The following ASTN2 variants were observed in gnomAD, a reference collection of about 807,000 sequenced individuals.
ASTN2 encodes the protein astrotactin 2.
In ASTN2, 54 loss-of-function variants were observed where a neutral mutation model predicts 139.8. That is an observed-to-expected ratio of 0.39 (90% CI 0.31 to 0.48). The LOEUF is 0.48. Among genes scored for constraint, ASTN2 ranks in the 20% least tolerant of loss-of-function variants. The pLI, the probability that ASTN2 is intolerant of heterozygous loss-of-function variation, is 0.95. For synonymous variants in ASTN2, 756 were observed against 719.5 expected (o/e 1.05, Z -0.81); for missense variants, 1,565 against 1,725.1 (o/e 0.91, Z 1.64).
chr9:116,619,688 ATTTTTTTTTT>A (rs766517097), intron 18 of ASTN2, among the ~76,000 whole-genome samples: 1 of 74,316 alleles, frequency 1.3e-5, no homozygotes, highest in Non-Finnish European at 2.5e-5. Flanking sequence ...CACACGGGCT[ATTTTTTTTTT>A]TTTTTTTTTT....
intron 19 of ASTN2, among the ~76,000 whole-genome samples, chr9:116,551,804 G>A (rs1019960544): frequency 6.6e-6 from 1 of 152,130 alleles, no homozygotes; most frequent in African/African-American, 2.4e-5. Flanking sequence ...GGCTAGAAAA[G>A]ACAGTATGAG....
At chr9:116,993,443 C>G (rs1836916312) in intron 7 of ASTN2, among the ~76,000 whole-genome samples, 2 of 151,530 alleles carry the variant, frequency 1.3e-5, no homozygotes, top group South Asian at 4.2e-4. Flanking sequence ...GTACAGCCCC[C>G]TCTTTCTACA....
At chr9:116,861,973 C>CTTTTTTTTT (rs56282333) in intron 11 of ASTN2, among the ~76,000 whole-genome samples, 5 of 133,644 alleles carry the variant, frequency 3.7e-5, no homozygotes, top group East Asian at 2.2e-4. Flanking sequence ...TTTCCTTCTT[C>CTTTTTTTTT]TTTTTTTTTT....
intron 12 of ASTN2, among the ~76,000 whole-genome samples, chr9:116,809,434 G>C (rs1442535122): frequency 6.6e-6 from 1 of 151,848 alleles, no homozygotes; most frequent in East Asian, 1.9e-4. Context: ...TTAATTATCT[G>C]TATATTCCTG....
chr9:116,544,638 G>A (rs1045439463), intron 19 of ASTN2, among the ~76,000 whole-genome samples: 5 of 152,052 alleles, frequency 3.3e-5, no homozygotes, highest in Non-Finnish European at 7.4e-5. Flanking sequence ...GGTTCTTTGG[G>A]GGCATCAGAA....
chr9:116,737,739 A>G (rs1468764596), intron 13 of ASTN2, among the ~76,000 whole-genome samples: 1 of 151,926 alleles, frequency 6.6e-6, no homozygotes, highest in African/African-American at 2.4e-5. Context: ...CCTATACTCA[A>G]GGTAGTGTGT....
chr9:117,259,654 A>G (rs576087134), intron 2 of ASTN2, among the ~76,000 whole-genome samples: 3 of 152,280 alleles, frequency 2.0e-5, no homozygotes, highest in African/African-American at 7.2e-5. Flanking sequence ...AAATCTACCT[A>G]TGGCCTAGAA....
chr9:117,364,840 T>C (rs933803535), intron 1 of ASTN2, among the ~76,000 whole-genome samples: 1 of 151,904 alleles, frequency 6.6e-6, no homozygotes, highest in African/African-American at 2.4e-5. Context: ...GAGCCAGGCA[T>C]GGTGGCTCAT....
At chr9:116,508,256 G>A (rs771802567) in intron 19 of ASTN2, among the ~76,000 whole-genome samples, 2 of 152,218 alleles carry the variant, frequency 1.3e-5, no homozygotes, top group Admixed American at 6.5e-5. Flanking sequence ...AGGGTCTTCA[G>A]AAAGCTGTCT....
At chr9:116,893,478 C>A (rs746342387) in intron 10 of ASTN2, among the ~76,000 whole-genome samples, 1 of 152,042 alleles carries the variant, frequency 6.6e-6, no homozygotes, top group Non-Finnish European at 1.5e-5. Flanking sequence ...CTGGCTATAC[C>A]CTCTTACTAG....
intron 6 of ASTN2, among the ~76,000 whole-genome samples, chr9:117,031,763 A>G (rs1838254003): frequency 6.6e-6 from 1 of 152,112 alleles, no homozygotes; most frequent in Non-Finnish European, 1.5e-5. Context: ...GAGGCAACAG[A>G]GAAATTTAAG....
intron 2 of ASTN2, among the ~76,000 whole-genome samples, chr9:117,254,480 G>A (rs1395071144): frequency 1.3e-5 from 2 of 152,136 alleles, no homozygotes; most frequent in African/African-American, 4.8e-5. Flanking sequence ...CCTCTGAAGG[G>A]TGAGACCCAG....
At chr9:116,490,271 G>GAAAAAAAAAA (rs1564314339) in intron 19 of ASTN2, among the ~76,000 whole-genome samples, 1 of 2,316 alleles carries the variant, frequency 4.3e-4, no homozygotes, top group African/African-American at 1.4e-3. Flanking sequence ...GTGATAAAAA[G>GAAAAAAAAAA]TAAAAAAAAA....
intron 11 of ASTN2, among the ~76,000 whole-genome samples, chr9:116,850,135 G>T (rs1832555775): frequency 6.6e-6 from 1 of 152,166 alleles, no homozygotes; most frequent in Middle Eastern, 3.2e-3. Flanking sequence ...TGGGAATCCA[G>T]GATCAACTGC....
At chr9:117,094,530 A>G (rs887822060) in intron 5 of ASTN2, among the ~76,000 whole-genome samples, 2 of 152,136 alleles carry the variant, frequency 1.3e-5, no homozygotes, top group South Asian at 2.1e-4. Flanking sequence ...TAAATCTCCA[A>G]TGCAGGTTCC....
chr9:116,593,785 T>C (rs147810628), intron 19 of ASTN2, among the ~76,000 whole-genome samples: 187 of 152,312 alleles, frequency 1.2e-3, no homozygotes, highest in African/African-American at 4.1e-3. Context: ...TCCATCTTCA[T>C]GATTTTCTTG....
rs559859171 is a variant in ASTN2, at chr9:116,886,768, G to A, written c.1890-23035C>T. On this transcript the variant is annotated intron_variant, in intron 10 of 22. Transcript: ENST00000313400. ...TTATTGAGCATCTATTACATGATAG[G>A]TACTGCTCTAGGTGCAGCAAAGGCA... is the stretch of plus-strand genomic sequence containing the variant. Among the ~76,000 whole-genome samples, 9 of 152,236 alleles carry A rather than the reference G, an allele frequency of 5.9e-5. No homozygotes were observed. The East Asian group carries it at 1.2e-3, about 20-fold the overall frequency.
At chr9:116,571,882 G>T (rs916971223) in intron 19 of ASTN2, among the ~76,000 whole-genome samples, 1 of 152,062 alleles carries the variant, frequency 6.6e-6, no homozygotes, top group African/African-American at 2.4e-5. Context: ...TGTCCCTGTT[G>T]GGTGATGTGC....
chr9:117,204,758 C>A lies in ASTN2; in HGVS notation c.1015+9600G>T, dbSNP rs376544321. Among the ~76,000 whole-genome samples, 128 of 152,134 alleles carry A rather than the reference C, an allele frequency of 8.4e-4. 2 individuals carry two copies. The East Asian group carries it at 0.02, about 23-fold the overall frequency. ...TGGGAAGACTGGCTGTTAAAAAAAACCAAACAAACAACAACAAAAAGAAAA... is the reference window on the plus strand; with the variant it reads ...TGGGAAGACTGGCTGTTAAAAAAAAACAAACAAACAACAACAAAAAGAAAA... On this transcript the variant is annotated intron_variant, in intron 3 of 22. Transcript: ENST00000313400.
Sources: allele counts gnomAD v4.1 joint callset (sites outside exome capture counted in the v4.1 genomes callset), GRCh38; gene constraint gnomAD v4.1.1; transcripts MANE v1.5; gene names NCBI Gene and HGNC (gene_info 2026-07-23, HGNC 2026-07-21).